SND1: variants seen among roughly 807,000 people sequenced by gnomAD.
SND1 encodes staphylococcal nuclease domain-containing protein 1.
Under a neutral mutation model 121.7 loss-of-function variants are expected in SND1, and 38 were observed. The observed-to-expected ratio is 0.31, with a 90% CI of 0.24 to 0.41. The LOEUF is 0.41. Among genes scored for constraint, SND1 ranks in the 10% least tolerant of loss-of-function variants. The probability of loss-of-function intolerance (pLI) is 1.00; values close to 1 mark genes in which losing one functional copy is unlikely to be tolerated. For missense variants in SND1, 868 were observed against 1,184.6 expected, an observed-to-expected ratio of 0.73 and a Z score of 3.92; for synonymous variants, 401 against 447.4, an observed-to-expected ratio of 0.90 and a Z score of 1.31.
At chr7:127,655,553 A>G (rs1795195523) in intron 1 of SND1, among the ~76,000 whole-genome samples, 2 of 152,250 alleles carry the variant, frequency 1.3e-5, no homozygotes, top group African/African-American at 4.8e-5. Flanking sequence ...GGATGAGACT[A>G]GCAAGTATGT....
At chr7:127,734,030 C>T (rs901018511) in intron 10 of SND1, among the ~76,000 whole-genome samples, 7 of 152,008 alleles carry the variant, frequency 4.6e-5, no homozygotes, top group African/African-American at 7.2e-5. Flanking sequence ...TGAGAACCAC[C>T]GTTCTAGATT....
At chr7:127,800,642 T>G (rs930621431) in intron 10 of SND1, among the ~76,000 whole-genome samples, 1 of 152,190 alleles carries the variant, frequency 6.6e-6, no homozygotes, top group Non-Finnish European at 1.5e-5. Context: ...AATATAAGTT[T>G]ATAGAATAAC....
In SND1 at chr7:127,868,912, G is replaced by A. The variant is rs547726335; in HGVS notation, c.1344-18990G>A. Among the ~76,000 whole-genome samples, 7 of 151,890 alleles carry A rather than the reference G, an allele frequency of 4.6e-5. No homozygotes were observed. In the East Asian group the frequency reaches 5.8e-4, roughly 13 times the overall value. On this transcript the variant is annotated intron_variant, in intron 12 of 23. Coordinates refer to ENST00000354725, the MANE Select transcript of SND1 (RefSeq NM_014390.4). ...TTATTTACTGAGTTGAGTACATGAC[G>A]TTGCCAGGCGCCAGTTCTTTGCACT...
At chr7:127,763,864 G>A (rs1797355117) in intron 10 of SND1, among the ~76,000 whole-genome samples, 1 of 151,798 alleles carries the variant, frequency 6.6e-6, no homozygotes, top group Non-Finnish European at 1.5e-5. Flanking sequence ...GAGACTGAGG[G>A]AGGAGGATTG....
rs1210477690 is a variant in SND1 at position 127,729,483 on chromosome 7, G to T, written c.1152+8083G>T. 2.9e-5 allele frequency among the ~76,000 whole-genome samples: 4 copies of T among 138,546 alleles called. No homozygotes were observed. The Admixed American group carries it at 3.1e-4, about 11-fold the overall frequency. The allele number at this position is 138,546 out of a possible 152,430, so 90.9% of individuals were successfully genotyped here. On this transcript the variant is annotated intron_variant, in intron 10 of 23. Transcript: ENST00000354725. The stretch of plus-strand genomic sequence containing the variant: ...TTTTTACATAACATTTATATTCAAG[G>T]CAAGTTTAGTGCAGTCATCCAGTGC...
chr7:127,842,060 C>T (rs1348018119), intron 11 of SND1, among the ~76,000 whole-genome samples: 1 of 152,146 alleles, frequency 6.6e-6, no homozygotes, highest in African/African-American at 2.4e-5. Flanking sequence ...AATTTTGAGG[C>T]ATCTATCCTT....
intron 2 of SND1, among the ~76,000 whole-genome samples, chr7:127,693,729 T>C (rs919248535): frequency 3.3e-5 from 5 of 152,196 alleles, no homozygotes; most frequent in African/African-American, 1.2e-4. Context: ...CTTTTCCCTT[T>C]TATACTTCAC....
chr7:127,697,930 A>G (rs1485753208), intron 3 of SND1, among the ~76,000 whole-genome samples: 1 of 152,142 alleles, frequency 6.6e-6, no homozygotes, highest in Non-Finnish European at 1.5e-5. Flanking sequence ...TCTCTGCCAT[A>G]TTAAAGATTT....
chr7:128,089,434 G>T, intron 21 of SND1, 55 bp from the exon 22 acceptor site: 1 of 1,518,822 alleles, frequency 6.6e-7, no homozygotes. Flanking sequence ...ACAGGAGCTG[G>T]GGCCCAAGTG....
At chr7:127,815,372 C>G (rs989785608) in intron 11 of SND1, among the ~76,000 whole-genome samples, 2 of 152,088 alleles carry the variant, frequency 1.3e-5, no homozygotes, top group African/African-American at 4.8e-5. Context: ...CACCTGTAGT[C>G]CCAGCTATTT....
intron 11 of SND1, among the ~76,000 whole-genome samples, chr7:127,817,909 A>C (rs1798477256): frequency 6.6e-6 from 1 of 151,880 alleles, no homozygotes; most frequent in Non-Finnish European, 1.5e-5. Context: ...TTGTCTTTTC[A>C]TCAGCTCACA....
At chr7:127,986,301 T>A (rs976056562) in intron 15 of SND1, among the ~76,000 whole-genome samples, 1 of 152,232 alleles carries the variant, frequency 6.6e-6, no homozygotes, top group African/African-American at 2.4e-5. Context: ...ATAATTTTTT[T>A]AATAGAATGA....
intron 10 of SND1, among the ~76,000 whole-genome samples, chr7:127,804,402 T>C (rs1798194408): frequency 6.6e-6 from 1 of 152,164 alleles, no homozygotes; most frequent in Admixed American, 6.5e-5. Context: ...TGATACACTT[T>C]TTATTTTCCT....
chr7:128,021,727 G>T (rs536390799), intron 16 of SND1, among the ~76,000 whole-genome samples: 1 of 152,218 alleles, frequency 6.6e-6, no homozygotes, highest in Admixed American at 6.5e-5. Flanking sequence ...GAGTTGCCCT[G>T]GAGAGGAAAT....
chr7:128,059,181 T>G (rs969183159), intron 16 of SND1, among the ~76,000 whole-genome samples: 2 of 152,180 alleles, frequency 1.3e-5, no homozygotes, highest in African/African-American at 4.8e-5. Flanking sequence ...GTCCCATCCT[T>G]TAAGGTCCGA....
chr7:128,059,288 T>C (rs1292136348), intron 16 of SND1, among the ~76,000 whole-genome samples: 1 of 152,198 alleles, frequency 6.6e-6, no homozygotes, highest in Non-Finnish European at 1.5e-5. Context: ...TCAGCAGTCA[T>C]GTGTTTTACA....
intron 1 of SND1, among the ~76,000 whole-genome samples, chr7:127,668,632 T>C (rs978052753): frequency 6.6e-6 from 1 of 152,188 alleles, no homozygotes; most frequent in African/African-American, 2.4e-5. Flanking sequence ...TGAGACATGG[T>C]CCTTGTCCTT....
intron 16 of SND1, among the ~76,000 whole-genome samples, chr7:127,991,830 G>A (rs1278012682): frequency 6.6e-6 from 1 of 152,200 alleles, no homozygotes; most frequent in East Asian, 1.9e-4. Flanking sequence ...GAGAGCAGAT[G>A]CGTGGACTTC....
At chr7:127,989,122 G>C (rs1262736818) in intron 15 of SND1, among the ~76,000 whole-genome samples, 4 of 152,134 alleles carry the variant, frequency 2.6e-5, no homozygotes, top group Admixed American at 1.3e-4. Context: ...GTTTATTGCT[G>C]TCTTTTACAA....
Sources: allele counts gnomAD v4.1 joint callset (sites outside exome capture counted in the v4.1 genomes callset), GRCh38; gene constraint gnomAD v4.1.1; transcripts MANE v1.5; gene names NCBI Gene and HGNC (gene_info 2026-07-23, HGNC 2026-07-21).